ARHGEF39: variants seen among roughly 807,000 people sequenced by gnomAD.
The protein encoded by ARHGEF39 is Rho guanine nucleotide exchange factor (GEF) 39.
In ARHGEF39, 45 loss-of-function variants were observed where a neutral mutation model predicts 47.5. That is an observed-to-expected ratio of 0.95 (90% CI 0.75 to 1.22). ARHGEF39 has a LOEUF of 1.22. Among genes scored for constraint, ARHGEF39 ranks in the 50% most tolerant of loss-of-function variants. The pLI is 0.00. For synonymous variants in ARHGEF39, 164 were observed against 167.8 expected (o/e 0.98, Z 0.17); for missense variants, 411 against 425.3 (o/e 0.97, Z 0.30).
chr9:35,661,853 G>T lies in ARHGEF39; in HGVS notation c.*134C>A. The T allele has an allele frequency of 9.3e-7, 1 of 1,075,696 alleles. No homozygotes were observed. Among genetic ancestry groups the T allele is most frequent in the Non-Finnish European group, 1.4e-6 (1 of 736,626 alleles). 66.6% of individuals were successfully genotyped at this position (1,075,696 alleles called of 1,614,324 possible). A position where few individuals can be genotyped will look rare whatever the true frequency, so the allele number is the denominator to read the frequency against. ...TTGGTCAGATGATCTGGAGTAGCTT[G>T]GTCCAGGCAAACAGAAAGTGACCTT... is the stretch of plus-strand genomic sequence containing the variant. On this transcript the variant is annotated 3_prime_UTR_variant, in exon 9 of 9. Coordinates refer to ENST00000378387, the MANE Select transcript of ARHGEF39 (RefSeq NM_032818.3).
chr9:35,665,157 A>C lies in ARHGEF39; in HGVS notation c.13T>G (p.Cys5Gly). 1 of 1,522,382 alleles carries C rather than the reference A, an allele frequency of 6.6e-7. No individual in the cohort carries two copies. Among genetic ancestry groups the C allele is most frequent in the Non-Finnish European group, 8.8e-7 (1 of 1,131,010 alleles). 94.3% of individuals were successfully genotyped at this position (1,522,382 alleles called of 1,614,324 possible). Residue 5 changes from cysteine to glycine, a missense_variant, in exon 1 of 9, where the codon TGC (cysteine) becomes GGC (glycine). Transcript: ENST00000378387. MELSCPGSRCPVQEQ... is the reference protein window; with the variant it reads MELSGPGSRCPVQEQ... ...TGCACCGGGCACCGCGAACCGGGGC[A>C]GGAGAGCTCCATGCCCTGGCTGAGG...
At chr9:35,662,119 G>A (rs1348200636) in intron 8 of ARHGEF39, 60 bp downstream of exon 8, 3 of 1,589,238 alleles carry the variant, frequency 1.9e-6, no homozygotes, top group Non-Finnish European at 2.6e-6. Flanking sequence ...GACAGGAACT[G>A]CATATTTCCT....
intron 7 of ARHGEF39, 95 bp from the exon 8 acceptor site, chr9:35,662,362 C>A (rs1587932172): frequency 7.0e-7 from 1 of 1,428,350 alleles, no homozygotes; most frequent in Non-Finnish European, 9.8e-7. Context: ...AGGGATGAGA[C>A]AATGACTAGG....
chr9:35,661,320 AGAG>A lies in ARHGEF39; in HGVS notation c.*664_*666del, dbSNP rs2131822045. ...AGAGGCTGCCTTCCAGTGTGACAGC[AGAG>A]AAGATAGAGGGAGCTCCAGCTCTTT... On this transcript the variant is annotated 3_prime_UTR_variant, in exon 9 of 9. Transcript: ENST00000378387. The A allele has an allele frequency of 1.6e-6, 1 of 630,578 alleles. No individual in the cohort carries two copies. Among genetic ancestry groups the A allele is most frequent in the African/African-American group, 1.8e-5 (1 of 54,394 alleles). 39.1% of individuals were successfully genotyped at this position (630,578 alleles called of 1,614,324 possible). A position where few individuals can be genotyped will look rare whatever the true frequency, so the allele number is the denominator to read the frequency against.
At position 35,660,536 on chromosome 9, in the gene ARHGEF39, CCT is replaced by C. The variant is rs780282380; in HGVS notation, c.*1449_*1450del. On this transcript the variant is annotated 3_prime_UTR_variant, in exon 9 of 9. Transcript: ENST00000378387. ...AGAAGATACATAACCACTTCTGCCCCCTTTTTTCCCTTATCCCCAGAGCAACA... is the reference window on the plus strand; with the variant it reads ...AGAAGATACATAACCACTTCTGCCCCTTTTTCCCTTATCCCCAGAGCAACA... 278 of 1,613,946 alleles carry C rather than the reference CCT, an allele frequency of 1.7e-4. No homozygotes were observed. The highest frequency in any genetic ancestry group is 2.2e-4 in the Non-Finnish European group (254 of 1,179,960).
Position 35,660,944 on chromosome 9 carries a change from C to A in ARHGEF39, c.*1043G>T, listed in dbSNP as rs1207353582. 1 of 1,614,170 alleles carries A rather than the reference C, an allele frequency of 6.2e-7. No individual in the cohort carries two copies. Among genetic ancestry groups the A allele is most frequent in the Admixed American group, 1.7e-5 (1 of 60,028 alleles). On this transcript the variant is annotated 3_prime_UTR_variant, in exon 9 of 9. Coordinates refer to ENST00000378387, the MANE Select transcript of ARHGEF39 (RefSeq NM_032818.3). ...TCCTGATCTCTCCCCACACAGAGGC[C>A]AGCAGACCTCTTCCTGAGGACTTCT...
At chr9:35,664,599 C>G (rs1824137780) in intron 2 of ARHGEF39, 107 bp from the exon 3 acceptor site, 2 of 1,493,734 alleles carry the variant, frequency 1.3e-6, no homozygotes, top group African/African-American at 1.4e-5. Flanking sequence ...CCCCATTGTA[C>G]AGATGGAGAA....
intron 2 of ARHGEF39, 65 bp from the exon 3 acceptor site, chr9:35,664,557 T>G (rs771704258): frequency 5.0e-5 from 77 of 1,535,556 alleles, no homozygotes; most frequent in Non-Finnish European, 6.6e-5. Flanking sequence ...CATTTAGTTT[T>G]CATGAGAATA....
chr9:35,662,432 G>A, intron 7 of ARHGEF39, 80 bp downstream of exon 7: 2 of 1,479,490 alleles, frequency 1.4e-6, no homozygotes, highest in Non-Finnish European at 1.8e-6. Flanking sequence ...CCTATGAAAA[G>A]GGACCCAGAC....
Position 35,660,594 on chromosome 9 carries a change from G to A in ARHGEF39, c.*1393C>T. ...CCCAGTTGACACAACAGCTGGCCCA[G>A]ACAGAGCAGCACCTGAACAACCTGA... On this transcript the variant is annotated 3_prime_UTR_variant, in exon 9 of 9. Transcript: ENST00000378387. The A allele has an allele frequency of 6.2e-7, 1 of 1,614,126 alleles. No homozygotes were observed. Among genetic ancestry groups the A allele is most frequent in the East Asian group, 2.2e-5 (1 of 44,884 alleles).
At chr9:35,664,676 T>C (rs1824142003) in intron 2 of ARHGEF39, 80 bp downstream of exon 2, 2 of 1,509,366 alleles carry the variant, frequency 1.3e-6, no homozygotes, top group African/African-American at 1.4e-5. Flanking sequence ...AAATAGAACC[T>C]AAGTCTGACT....
In ARHGEF39 at chr9:35,662,947, T is replaced by A; in HGVS notation, c.672A>T (p.Ser224=). 6.2e-7 allele frequency: 1 copy of A among 1,602,802 alleles called. No homozygotes were observed. Among genetic ancestry groups the A allele is most frequent in the Non-Finnish European group, 8.5e-7 (1 of 1,170,688 alleles). The change falls in exon 6 of 9, where the codon TCA becomes TCT. Residue 224 remains serine, a splice_region_variant and synonymous_variant. Coordinates refer to ENST00000378387, the MANE Select transcript of ARHGEF39 (RefSeq NM_032818.3). The stretch of plus-strand genomic sequence containing the variant: ...TTGAAGGGGAAGTAGGCAAGCTACC[T>A]GAGGTCAGCCCCTTTGCCTGGCGTC... ...LSGRQAKGLT[S]GRWFLRQGWL... is the part of the protein sequence containing the mutation.
In ARHGEF39 at chr9:35,661,894, G is replaced by C. The variant is rs1383235870; in HGVS notation, c.*93C>G. On this transcript the variant is annotated 3_prime_UTR_variant, in exon 9 of 9. Transcript: ENST00000378387. ...AAGTGACCTTTGTCAAATCATGAAGGGTTCTGTTTTGTTCAGTACTGAAGA... is the reference window on the plus strand; with the variant it reads ...AAGTGACCTTTGTCAAATCATGAAGCGTTCTGTTTTGTTCAGTACTGAAGA... The C allele has an allele frequency of 8.6e-6, 12 of 1,389,846 alleles. No homozygotes were observed. The highest frequency in any genetic ancestry group is 1.2e-5 in the Non-Finnish European group (12 of 1,012,744). 86.1% of individuals were successfully genotyped at this position (1,389,846 alleles called of 1,614,324 possible).
At position 35,664,016 on chromosome 9, in the gene ARHGEF39, C is replaced by T; in HGVS notation, c.465G>A (p.Arg155=). The T allele has an allele frequency of 6.2e-7, 1 of 1,613,848 alleles. No individual in the cohort carries two copies. Among genetic ancestry groups the T allele is most frequent in the Non-Finnish European group, 8.5e-7 (1 of 1,179,728 alleles). ...LQDLLPLPLQ[R]LQQYENLVVA... is the part of the protein sequence containing the mutation. ...ATCAAGAGTTCACTCACTGCTGGAG[C>T]CGTTGCAGAGGCAGAGGGAGCAGGT... Residue 155 remains arginine (R), a synonymous_variant, in exon 4 of 9, where the codon CGG becomes CGA. Transcript: ENST00000378387.
In ARHGEF39 at chr9:35,664,449, G is replaced by C; in HGVS notation, c.277C>G (p.Leu93Val). 6.2e-7 allele frequency: 1 copy of C among 1,612,518 alleles called. No individual in the cohort carries two copies. The highest frequency in any genetic ancestry group is 8.5e-7 in the Non-Finnish European group (1 of 1,179,424). ...YLEGGCWGQG[L>V]EGFCRHLELY... ...TCCAAGTGGCGGCAGAAGCCCTCCAGCCCTTGGCCCCAGCATCCTCCTTCC... is the reference window on the plus strand; with the variant it reads ...TCCAAGTGGCGGCAGAAGCCCTCCACCCCTTGGCCCCAGCATCCTCCTTCC... Residue 93 changes from leucine to valine, a missense_variant, in exon 3 of 9, where the codon CTG becomes GTG. Physicochemically the swap from Leu to Val is conservative, Grantham distance 32. Coordinates refer to ENST00000378387, the MANE Select transcript of ARHGEF39 (RefSeq NM_032818.3).
intron 2 of ARHGEF39, 50 bp from the exon 3 acceptor site, chr9:35,664,542 C>A: frequency 6.5e-7 from 1 of 1,547,464 alleles, no homozygotes; most frequent in South Asian, 1.3e-5. Flanking sequence ...ACTCAAGCAC[C>A]ACCTCATTTA....
intron 5 of ARHGEF39, 85 bp downstream of exon 5, chr9:35,663,237 T>TGA (rs1343717041): frequency 3.2e-6 from 5 of 1,562,002 alleles, no homozygotes; most frequent in Non-Finnish European, 4.4e-6. Context: ...GATAGGGTCA[T>TGA]ACCAGACATT....
chr9:35,660,570 C>T lies in ARHGEF39; in HGVS notation c.*1417G>A. On this transcript the variant is annotated 3_prime_UTR_variant, in exon 9 of 9. Transcript: ENST00000378387. Reference sequence around the variant, plus strand: ...CCTTATCCCCAGAGCAACAGCTGGCCCAGTTGACACAACAGCTGGCCCAGA... The same window carrying T: ...CCTTATCCCCAGAGCAACAGCTGGCTCAGTTGACACAACAGCTGGCCCAGA... The T allele has an allele frequency of 3.1e-6, 5 of 1,614,084 alleles. No homozygotes were observed. Among genetic ancestry groups the T allele is most frequent in the Non-Finnish European group, 4.2e-6 (5 of 1,179,992 alleles).
In ARHGEF39 at chr9:35,664,491, C is replaced by T; in HGVS notation, c.235G>A (p.Glu79Lys). 1 of 1,597,382 alleles carries T rather than the reference C, an allele frequency of 6.3e-7. No individual in the cohort carries two copies. Among genetic ancestry groups the T allele is most frequent in the Non-Finnish European group, 8.5e-7 (1 of 1,172,374 alleles). ...CCTCCTTCCAGGTAGGGAAGCAGCT[C>T]CCTGTGTGGGCAAGGACAGCAAAAG... is the stretch of plus-strand genomic sequence containing the variant. ...SWELIYGASQELLPYLEGGCW... is the reference protein window; with the variant it reads ...SWELIYGASQKLLPYLEGGCW... Residue 79 changes from glutamate to lysine, a missense_variant and splice_region_variant, in exon 3 of 9, where the codon GAG becomes AAG. Transcript: ENST00000378387.
Sources: allele counts gnomAD v4.1 joint callset, GRCh38; gene constraint gnomAD v4.1.1; transcripts MANE v1.5; gene names NCBI Gene and HGNC (gene_info 2026-07-23, HGNC 2026-07-21).